Variants in COPG1 observed in about 807,000 individuals in gnomAD.
COPG1 encodes the protein coat protein complex I subunit gamma 1, also known as coatomer subunit gamma-1.
Under a neutral mutation model 102.8 loss-of-function variants are expected in COPG1, and 29 were observed. That is an observed-to-expected ratio of 0.28 (90% confidence interval 0.21 to 0.38). The LOEUF is 0.38. Ranked by LOEUF, COPG1 falls within the 10% of genes least tolerant of loss-of-function variation. The probability of loss-of-function intolerance (pLI) is 1.00; values close to 1 mark genes in which losing one functional copy is unlikely to be tolerated. For missense variants in COPG1, 875 were observed against 1,132.7 expected (o/e 0.77, Z 3.27); for synonymous variants, 406 against 421.6 (o/e 0.96, Z 0.45).
intron 1 of COPG1, among the ~76,000 whole-genome samples, chr3:129,249,973 ACCC>A (rs62819160): frequency 0.12 from 14,640 of 125,500 alleles, 765 homozygotes; most frequent in Middle Eastern, 0.25. Flanking sequence ...CGCGACAAAC[ACCC>A]CCCCCCCCAG....
Position 129,252,968 on chromosome 3 carries a change from G to A in COPG1, c.323+13G>A. 7 of 1,612,056 alleles carry A rather than the reference G, an allele frequency of 4.3e-6. No individual in the cohort carries two copies. The highest frequency in any genetic ancestry group is 5.9e-6 in the Non-Finnish European group (7 of 1,178,120). The stretch of plus-strand genomic sequence containing the variant: ...TTGTCACCAGCAGGCAAGTCATGGG[G>A]TTGTGGGTGGCTCTTCTGATGGGTT... On this transcript the variant is annotated intron_variant, in intron 5 of 23. Coordinates refer to ENST00000314797, the MANE Select transcript of COPG1 (RefSeq NM_016128.4).
At position 129,256,202 on chromosome 3, in the gene COPG1, T is replaced by G. The variant is rs6801983; in HGVS notation, c.579+48T>G. ...ATATTTAAAACACTCAGGCAGGTGG[T>G]AAGGCACTGGCCAGTTGGCATGGAC... On this transcript the variant is annotated intron_variant, in intron 8 of 23. Coordinates refer to ENST00000314797, the MANE Select transcript of COPG1 (RefSeq NM_016128.4). The G allele has an allele frequency of 0.013, 20,614 of 1,537,784 alleles. 910 individuals are homozygous for G. Among genetic ancestry groups the G allele is most frequent in the South Asian group, 0.091 (8,137 of 89,326 alleles).
chr3:129,274,234 C>T (rs1195104166), intron 21 of COPG1: 6 of 387,528 alleles, frequency 1.5e-5, no homozygotes, highest in South Asian at 9.6e-5. Flanking sequence ...TATTTATATA[C>T]ACTGTAAACA....
At chr3:129,251,338 G>A (rs1939692714) in intron 2 of COPG1, among the ~76,000 whole-genome samples, 1 of 149,760 alleles carries the variant, frequency 6.7e-6, no homozygotes, top group African/African-American at 2.5e-5. Context: ...TAGAGATTTT[G>A]CATGACTTGT....
At chr3:129,269,513 A>G (rs919182701) in intron 18 of COPG1, among the ~76,000 whole-genome samples, 5 of 152,164 alleles carry the variant, frequency 3.3e-5, no homozygotes, top group African/African-American at 1.2e-4. Flanking sequence ...CTCTTCCTTC[A>G]TGGGCCCTCA....
intron 5 of COPG1, chr3:129,253,225 GA>G: frequency 2.6e-6 from 1 of 385,068 alleles, no homozygotes; most frequent in East Asian, 5.4e-5. Context: ...AGACTTTCTT[GA>G]GTATAAAGAG....
chr3:129,252,089 C>T (rs1939710709), intron 2 of COPG1, among the ~76,000 whole-genome samples, 192 bp from the exon 3 acceptor site: 1 of 152,150 alleles, frequency 6.6e-6, no homozygotes. Context: ...CTAATATTTA[C>T]ACGAGAGTCT....
chr3:129,257,487 C>T lies in COPG1; in HGVS notation c.597C>T (p.Leu199=), dbSNP rs753043191. 1 of 1,614,190 alleles carries T rather than the reference C, an allele frequency of 6.2e-7. No homozygotes were observed. Among genetic ancestry groups the T allele is most frequent in the Non-Finnish European group, 8.5e-7 (1 of 1,180,036 alleles). ...NIMVQYHALG[L]LYHVRKNDRL... Reference sequence around the variant, plus strand: ...TCCTATAGTACCACGCACTAGGGCTCCTGTACCATGTGCGTAAGAATGACC... The same window carrying T: ...TCCTATAGTACCACGCACTAGGGCTTCTGTACCATGTGCGTAAGAATGACC... The change falls in exon 9 of 24, where the codon CTC becomes CTT. Residue 199 remains leucine, a synonymous_variant. Transcript: ENST00000314797.
At chr3:129,258,084 G>A (rs1418583901) in intron 10 of COPG1, among the ~76,000 whole-genome samples, 1 of 152,256 alleles carries the variant, frequency 6.6e-6, no homozygotes, top group East Asian at 1.9e-4. Context: ...CTGAGGTAAG[G>A]CTCGGGTCCA....
chr3:129,255,780 G>A (rs1939798089), intron 7 of COPG1, among the ~76,000 whole-genome samples: 1 of 152,184 alleles, frequency 6.6e-6, no homozygotes, highest in African/African-American at 2.4e-5. Context: ...CACCGCACCT[G>A]GCCAAAATAA....
intron 21 of COPG1, 144 bp downstream of exon 21, chr3:129,273,048 GTTTCTCT>G (rs755199848): frequency 3.1e-4 from 129 of 416,062 alleles, no homozygotes; most frequent in Non-Finnish European, 6.6e-5. Context: ...TTGAGATGAA[GTTTCTCT>G]TTTGTTACCC....
intron 17 of COPG1, 40 bp downstream of exon 17, chr3:129,268,660 C>T (rs777721525): frequency 7.5e-6 from 12 of 1,608,110 alleles, no homozygotes; most frequent in Admixed American, 1.7e-5. Flanking sequence ...CAAGGCCAGG[C>T]CTCTGTTGGA....
chr3:129,258,615 G>C (rs543716701), intron 10 of COPG1, among the ~76,000 whole-genome samples: 1 of 152,096 alleles, frequency 6.6e-6, no homozygotes. Flanking sequence ...CCACCACCAC[G>C]CCTGGCTAAT....
At chr3:129,253,138 C>G (rs898324791) in intron 5 of COPG1, 183 bp downstream of exon 5, 39 of 553,324 alleles carry the variant, frequency 7.0e-5, no homozygotes, top group African/African-American at 6.8e-4. Context: ...TTTTAATTCT[C>G]TGACCTTGAC....
intron 14 of COPG1, among the ~76,000 whole-genome samples, chr3:129,266,003 C>T (rs910566116): frequency 6.6e-6 from 1 of 151,358 alleles, no homozygotes; most frequent in Non-Finnish European, 1.5e-5. Context: ...GATGGAATCT[C>T]GCTCTGTCAC....
Position 129,272,385 on chromosome 3 carries a change from G to A in COPG1, c.2128G>A (p.Val710Met). Reference protein sequence around the residue: ...YNQPGTCYTLVALPKEDPTAV... With the variant: ...YNQPGTCYTLMALPKEDPTAV... Reference sequence around the variant, plus strand: ...CCAGCCCGGGACCTGCTACACACTGGTGGCACTGCCCAAAGAAGACCCCAC... The same window carrying A: ...CCAGCCCGGGACCTGCTACACACTGATGGCACTGCCCAAAGAAGACCCCAC... Residue 710 changes from valine (V) to methionine (M), a missense_variant, in exon 20 of 24, where the codon GTG (valine) becomes ATG (methionine). Coordinates refer to ENST00000314797, the MANE Select transcript of COPG1 (RefSeq NM_016128.4). The A allele has an allele frequency of 6.2e-7, 1 of 1,613,988 alleles. No individual in the cohort carries two copies. Among genetic ancestry groups the A allele is most frequent in the Non-Finnish European group, 8.5e-7 (1 of 1,179,950 alleles).
intron 12 of COPG1, among the ~76,000 whole-genome samples, chr3:129,263,195 TGAG>T (rs1485365522): frequency 6.6e-6 from 1 of 151,930 alleles, no homozygotes; most frequent in Non-Finnish European, 1.5e-5. Flanking sequence ...GTGTGAGGGT[TGAG>T]GGGTGGATGT....
At chr3:129,252,546 CT>C in intron 3 of COPG1, 76 bp from the exon 4 acceptor site, 1 of 1,263,174 alleles carries the variant, frequency 7.9e-7, no homozygotes, top group Non-Finnish European at 1.1e-6. Flanking sequence ...GTCTGGGGAT[CT>C]GGTGTGGGCT....
chr3:129,251,180 C>G (rs1465289121), intron 2 of COPG1, among the ~76,000 whole-genome samples: 1 of 151,230 alleles, frequency 6.6e-6, no homozygotes, highest in Admixed American at 6.6e-5. Flanking sequence ...GCCTCGGCCT[C>G]CCAAAGTGCT....
Sources: gnomAD v4.1 joint callset for allele counts (sites outside exome capture counted in the v4.1 genomes callset) on GRCh38, gnomAD v4.1.1 for gene constraint, MANE v1.5 for transcripts, NCBI Gene and HGNC (gene_info 2026-07-23, HGNC 2026-07-21) for gene names.